The following SYN3 variants were observed in gnomAD, a reference collection of about 807,000 sequenced individuals.
SYN3 encodes synapsin-3.
SYN3 carries 35 observed loss-of-function variants against 65.8 expected under a neutral mutation model. That is an observed-to-expected ratio of 0.53 (90% CI 0.41 to 0.70). SYN3 has a LOEUF of 0.70. Ranked by LOEUF, SYN3 falls within the 30% of genes least tolerant of loss-of-function variation. The pLI is 0.00. For synonymous variants in SYN3, 270 were observed against 292.9 expected (o/e 0.92, Z 0.80); for missense variants, 680 against 749.0 (o/e 0.91, Z 1.08).
At chr22:33,050,914 A>C (rs117572771) in intron 1 of SYN3, among the ~76,000 whole-genome samples, 1 of 152,240 alleles carries the variant, frequency 6.6e-6, no homozygotes, top group South Asian at 2.1e-4. Flanking sequence ...AAACCCGTAT[A>C]AAGCACCCAG....
At chr22:32,719,885 T>C (rs376111089) in intron 6 of SYN3, among the ~76,000 whole-genome samples, 1 of 152,196 alleles carries the variant, frequency 6.6e-6, no homozygotes. Flanking sequence ...GAAATATTTA[T>C]TGAATGAGGG....
intron 6 of SYN3, among the ~76,000 whole-genome samples, chr22:32,603,548 A>AG (rs905333398): frequency 6.6e-6 from 1 of 151,346 alleles, no homozygotes; most frequent in African/African-American, 2.4e-5. Context: ...AAAAAAAAAA[A>AG]AAAGAAAGAA....
chr22:32,955,539 C>T (rs1157494740), intron 3 of SYN3, among the ~76,000 whole-genome samples: 1 of 152,084 alleles, frequency 6.6e-6, no homozygotes, highest in Non-Finnish European at 1.5e-5. Context: ...AAATTATATA[C>T]AACATAAAAT....
intron 6 of SYN3, among the ~76,000 whole-genome samples, chr22:32,780,392 G>C (rs2145824854): frequency 1.3e-5 from 2 of 152,280 alleles, no homozygotes; most frequent in Middle Eastern, 3.4e-3. Context: ...CACCTGAGTT[G>C]ACTCTAAAAC....
chr22:32,615,537 C>T (rs1185202090), intron 6 of SYN3, among the ~76,000 whole-genome samples: 3 of 151,824 alleles, frequency 2.0e-5, no homozygotes, highest in East Asian at 3.9e-4. Context: ...TGGCAGGGCT[C>T]GGCTCCATCC....
chr22:32,527,601 A>G, intron 12 of SYN3: 1 of 226,176 alleles, frequency 4.4e-6, no homozygotes. Flanking sequence ...TCTGTCTCAA[A>G]AGAAAAAAAA....
intron 1 of SYN3, among the ~76,000 whole-genome samples, chr22:33,055,872 A>G (rs9621625): frequency 0.28 from 42,836 of 152,164 alleles, 6,741 homozygotes; most frequent in South Asian, 0.38. Context: ...CACCTAGGAT[A>G]GCGCCTACTC....
At chr22:32,620,559 C>T (rs946802191) in intron 6 of SYN3, among the ~76,000 whole-genome samples, 5 of 152,106 alleles carry the variant, frequency 3.3e-5, no homozygotes, top group African/African-American at 1.2e-4. Flanking sequence ...GGAGCATATA[C>T]CTGGTTTCAG....
intron 1 of SYN3, among the ~76,000 whole-genome samples, chr22:33,009,785 C>CACAT (rs2053303788): frequency 7.4e-6 from 1 of 135,356 alleles, no homozygotes; most frequent in Non-Finnish European, 1.6e-5. Flanking sequence ...CACACACACA[C>CACAT]ACACACACTT....
rs193221552 is a variant in SYN3, at chr22:32,601,523, C to T, written c.712-4787G>A. ...GGATCTCCTGACCTCGTGATCCACC[C>T]GCCTTGGCCTCCCAAAGTGCTGGGA... On this transcript the variant is annotated intron_variant, in intron 6 of 13. Transcript: ENST00000358763. Among the ~76,000 whole-genome samples the T allele has an allele frequency of 3.4e-3, 517 of 152,348 alleles. 6 individuals are homozygous for T. Among genetic ancestry groups the T allele is most frequent in the African/African-American group, 0.012 (491 of 41,574 alleles).
At chr22:33,035,411 C>T (rs1280037675) in intron 1 of SYN3, among the ~76,000 whole-genome samples, 2 of 141,074 alleles carry the variant, frequency 1.4e-5, no homozygotes, top group Non-Finnish European at 3.0e-5. Context: ...ACACCCTCTT[C>T]CAAATGAATA....
intron 6 of SYN3, among the ~76,000 whole-genome samples, chr22:32,685,638 G>A (rs2060579574): frequency 6.6e-6 from 1 of 152,220 alleles, no homozygotes; most frequent in African/African-American, 2.4e-5. Context: ...TAGCCTAGGT[G>A]TGTAGTAGGC....
chr22:32,642,447 A>T (rs13053846), intron 6 of SYN3, among the ~76,000 whole-genome samples: 81,187 of 150,708 alleles, frequency 0.54, 24,180 homozygotes, highest in African/African-American at 0.79. Flanking sequence ...TTTTTATTTT[A>T]TTTTTTTAAT....
At position 33,023,719 on chromosome 22, in the gene SYN3, G is replaced by A. The variant is rs146319497; in HGVS notation, c.-162-16895C>T. Among the ~76,000 whole-genome samples, 432 of 152,172 alleles carry A rather than the reference G, an allele frequency of 2.8e-3. 2 individuals are homozygous for A. The highest frequency in any genetic ancestry group is 4.9e-3 in the Non-Finnish European group (333 of 68,006). ...TTCTAAACACTCTGGGTCACAGTGC[G>A]ACGCTGTCTCAAACAAACAGAATCC... On this transcript the variant is annotated intron_variant, in intron 1 of 13. Transcript: ENST00000358763.
intron 3 of SYN3, among the ~76,000 whole-genome samples, chr22:32,956,291 G>A (rs1234994922): frequency 6.6e-6 from 1 of 151,604 alleles, no homozygotes; most frequent in Non-Finnish European, 1.5e-5. Flanking sequence ...AAGTAGCTAG[G>A]ATTACAGGTG....
intron 7 of SYN3, among the ~76,000 whole-genome samples, chr22:32,551,663 T>C (rs1221689832): frequency 2.0e-5 from 3 of 152,280 alleles, no homozygotes; most frequent in African/African-American, 7.2e-5. Flanking sequence ...ACACTGATGA[T>C]ATACTAGATG....
At chr22:32,681,824 A>C (rs1323701332) in intron 6 of SYN3, among the ~76,000 whole-genome samples, 3 of 152,250 alleles carry the variant, frequency 2.0e-5, no homozygotes, top group Admixed American at 2.0e-4. Flanking sequence ...CGATCAATAG[A>C]TAAAACAAGT....
intron 6 of SYN3, among the ~76,000 whole-genome samples, chr22:32,803,497 G>A (rs1302886347): frequency 6.6e-6 from 1 of 152,120 alleles, no homozygotes; most frequent in East Asian, 1.9e-4. Flanking sequence ...CTTGTAAGAG[G>A]CTCCCTGGGG....
Position 32,801,820 on chromosome 22 carries a change from G to T in SYN3, c.711+63095C>A. On this transcript the variant is annotated intron_variant, in intron 6 of 13. Transcript: ENST00000358763. This position sits in a 1 kb window ranked among gnomAD's most constrained non-coding sequence, Gnocchi z 4.7. The stretch of plus-strand genomic sequence containing the variant: ...CCGCCGAGTCCTGCGCCAGCGCCGA[G>T]GCAGCCTCGCTGCGCCCCATCCCGT... The T allele has an allele frequency of 1.5e-6, 1 of 645,644 alleles. No individual in the cohort carries two copies. Among genetic ancestry groups the T allele is most frequent in the Non-Finnish European group, 2.1e-6 (1 of 478,342 alleles). 40.0% of individuals were successfully genotyped at this position (645,644 alleles called of 1,614,324 possible). A position where few individuals can be genotyped will look rare whatever the true frequency, so the allele number is the denominator to read the frequency against.
Sources: gnomAD v4.1 joint callset for allele counts (sites outside exome capture counted in the v4.1 genomes callset) on GRCh38, gnomAD v4.1.1 for gene constraint, Gnocchi (gnomAD v3.1) non-coding constraint, MANE v1.5 for transcripts, NCBI Gene and HGNC (gene_info 2026-07-23, HGNC 2026-07-21) for gene names.